The following LHFPL3 variants were observed in gnomAD, a reference collection of about 807,000 sequenced individuals.
The protein encoded by LHFPL3 is LHFPL tetraspan subfamily member 3.
In LHFPL3, 5 loss-of-function variants were observed where a neutral mutation model predicts 19.3. That is an observed-to-expected ratio of 0.26 (90% CI 0.14 to 0.54). LHFPL3 has a LOEUF of 0.54. LHFPL3 is among the 20% of genes least tolerant of loss of function. The probability of loss-of-function intolerance (pLI) is 0.94; values close to 1 mark genes in which losing one functional copy is unlikely to be tolerated. For synonymous variants in LHFPL3, 133 were observed against 126.2 expected (o/e 1.05, Z -0.36); for missense variants, 249 against 307.4 (o/e 0.81, Z 1.42).
chr7:104,693,529 G>A (rs758502572), intron 1 of LHFPL3, among the ~76,000 whole-genome samples: 8 of 152,074 alleles, frequency 5.3e-5, no homozygotes, highest in Non-Finnish European at 8.8e-5. Context: ...ATGATAGTGC[G>A]TGAGTCCTCA....
chr7:104,504,255 C>A lies in LHFPL3; in HGVS notation c.445+175031C>A, dbSNP rs1221611061. The stretch of plus-strand genomic sequence containing the variant: ...TACAATGGAAGGAGTTGTCCTTAAC[C>A]CTTAGCTATTGAAGAGCATGATATA... On this transcript the variant is annotated intron_variant, in intron 1 of 2. Coordinates refer to ENST00000424859, the MANE Select transcript of LHFPL3 (RefSeq NM_199000.3). Among the ~76,000 whole-genome samples, 3 of 152,136 alleles carry A rather than the reference C, an allele frequency of 2.0e-5. No individual in the cohort carries two copies. The South Asian group carries it at 6.2e-4, about 31-fold the overall frequency.
At chr7:104,430,182 C>T (rs1216885775) in intron 1 of LHFPL3, among the ~76,000 whole-genome samples, 1 of 150,834 alleles carries the variant, frequency 6.6e-6, no homozygotes, top group East Asian at 2.0e-4. Flanking sequence ...TGTCTACTTT[C>T]AAGTTGGAGT....
chr7:104,467,733 A>G (rs1294991857), intron 1 of LHFPL3, among the ~76,000 whole-genome samples: 3 of 152,234 alleles, frequency 2.0e-5, no homozygotes, highest in African/African-American at 7.2e-5. Flanking sequence ...GGGAATATAC[A>G]GATTAAAAAC....
chr7:104,443,137 G>A (rs1396263992), intron 1 of LHFPL3, among the ~76,000 whole-genome samples: 3 of 152,138 alleles, frequency 2.0e-5, no homozygotes, highest in Non-Finnish European at 4.4e-5. Flanking sequence ...AGATCAATGT[G>A]GCTGGTAGAA....
At chr7:104,824,759 T>C (rs985611853) in intron 2 of LHFPL3, among the ~76,000 whole-genome samples, 6 of 31,666 alleles carry the variant, frequency 1.9e-4, no homozygotes, top group Non-Finnish European at 2.4e-4. Flanking sequence ...ATATATTATA[T>C]ATAATATATT....
chr7:104,767,301 G>A (rs1014743962), intron 2 of LHFPL3, among the ~76,000 whole-genome samples: 4 of 152,174 alleles, frequency 2.6e-5, no homozygotes, highest in Non-Finnish European at 5.9e-5. Context: ...AATGAGCTCC[G>A]AAAGACACTG....
chr7:104,769,646 TC>T (rs1794518218), intron 2 of LHFPL3, among the ~76,000 whole-genome samples: 1 of 148,538 alleles, frequency 6.7e-6, no homozygotes, highest in African/African-American at 2.5e-5. Context: ...TGTGTGATGT[TC>T]CCCTCCCTGT....
At chr7:104,636,091 T>G (rs1280232021) in intron 1 of LHFPL3, among the ~76,000 whole-genome samples, 2 of 152,172 alleles carry the variant, frequency 1.3e-5, no homozygotes, top group Non-Finnish European at 2.9e-5. Flanking sequence ...TGAACAATTT[T>G]TGCATAGTCT....
chr7:104,782,277 A>G (rs1437879398), intron 2 of LHFPL3, among the ~76,000 whole-genome samples: 2 of 152,178 alleles, frequency 1.3e-5, no homozygotes, highest in East Asian at 1.9e-4. Flanking sequence ...CAGTTTAGCA[A>G]TTGAAGAACA....
intron 1 of LHFPL3, among the ~76,000 whole-genome samples, chr7:104,545,760 C>G (rs991750381): frequency 5.3e-5 from 8 of 152,168 alleles, no homozygotes; most frequent in African/African-American, 1.4e-4. Context: ...CAAAGGCTCC[C>G]ATAATTGGAG....
intron 1 of LHFPL3, among the ~76,000 whole-genome samples, chr7:104,580,437 A>G (rs1339442677): frequency 1.3e-5 from 2 of 152,166 alleles, no homozygotes; most frequent in Non-Finnish European, 2.9e-5. Context: ...GTGCTTTATC[A>G]GGTATCTTTC....
At position 104,806,380 on chromosome 7, in the gene LHFPL3, C is replaced by T. The variant is rs543687340; in HGVS notation, c.682+69469C>T. ...TTCTACCAGAGTTTATTCTAGAAAC[C>T]CTTAAACTGTTCTTGATCTCTGCAG... On this transcript the variant is annotated intron_variant, in intron 2 of 2. Coordinates refer to ENST00000424859, the MANE Select transcript of LHFPL3 (RefSeq NM_199000.3). Among the ~76,000 whole-genome samples the T allele has an allele frequency of 7.2e-5, 11 of 152,182 alleles. No individual in the cohort carries two copies. In the South Asian group the frequency reaches 2.3e-3, roughly 32 times the overall value.
At chr7:104,393,737 T>C (rs1015642293) in intron 1 of LHFPL3, among the ~76,000 whole-genome samples, 4 of 152,014 alleles carry the variant, frequency 2.6e-5, no homozygotes, top group Non-Finnish European at 5.9e-5. Flanking sequence ...AAAAATCATA[T>C]ATTCATACAA....
At chr7:104,415,512 A>G (rs1791604449) in intron 1 of LHFPL3, among the ~76,000 whole-genome samples, 1 of 152,166 alleles carries the variant, frequency 6.6e-6, no homozygotes, top group African/African-American at 2.4e-5. Flanking sequence ...ATAATATTAT[A>G]TAAAAATATG....
intron 1 of LHFPL3, among the ~76,000 whole-genome samples, chr7:104,454,073 T>G (rs1277790424): frequency 2.0e-5 from 3 of 152,194 alleles, no homozygotes; most frequent in African/African-American, 7.2e-5. Flanking sequence ...CTCAGGGGAA[T>G]GTTAAGGCTG....
At chr7:104,413,288 T>C (rs1291797483) in intron 1 of LHFPL3, among the ~76,000 whole-genome samples, 1 of 152,164 alleles carries the variant, frequency 6.6e-6, no homozygotes, top group African/African-American at 2.4e-5. Flanking sequence ...ATGACATAGA[T>C]ATGCCATTCT....
chr7:104,692,426 G>A (rs1194744240), intron 1 of LHFPL3, among the ~76,000 whole-genome samples: 1 of 152,230 alleles, frequency 6.6e-6, no homozygotes, highest in Non-Finnish European at 1.5e-5. Flanking sequence ...AGGCCCAAAG[G>A]CCTAAGAGGA....
intron 1 of LHFPL3, among the ~76,000 whole-genome samples, chr7:104,430,405 CATATATATATATACAT>C (rs1424652803): frequency 2.7e-4 from 6 of 22,458 alleles, no homozygotes; most frequent in Non-Finnish European, 3.8e-4. Context: ...TATATATATA[CATATATATATATACAT>C]ATATATATAT....
At chr7:104,480,684 T>C (rs2115655445) in intron 1 of LHFPL3, among the ~76,000 whole-genome samples, 1 of 152,312 alleles carries the variant, frequency 6.6e-6, no homozygotes, top group African/African-American at 2.4e-5. Context: ...TTGTGGAACA[T>C]ATCCACTATT....
Sources: gnomAD v4.1 joint callset for allele counts (sites outside exome capture counted in the v4.1 genomes callset) on GRCh38, gnomAD v4.1.1 for gene constraint, MANE v1.5 for transcripts, NCBI Gene and HGNC (gene_info 2026-07-23, HGNC 2026-07-21) for gene names.